Variants in TTC39C observed in about 807,000 individuals in gnomAD.
TTC39C encodes tetratricopeptide repeat domain 39C.
In TTC39C, 33 loss-of-function variants were observed where a neutral mutation model predicts 76.3. The observed-to-expected ratio is 0.43, with a 90% CI of 0.33 to 0.58. The LOEUF (loss-of-function observed/expected upper bound fraction) is 0.58. TTC39C is among the 20% of genes least tolerant of loss of function. TTC39C has a pLI of 0.04. For missense variants in TTC39C, 595 were observed against 701.4 expected, an observed-to-expected ratio of 0.85 and a Z score of 1.71; for synonymous variants, 254 against 260.6, an observed-to-expected ratio of 0.97 and a Z score of 0.24.
chr18:24,020,914 G>A (rs1290826145), intron 1 of TTC39C, among the ~76,000 whole-genome samples: 2 of 152,090 alleles, frequency 1.3e-5, no homozygotes, highest in Non-Finnish European at 2.9e-5. Context: ...TTTAAAGGGA[G>A]AGAGAAGTAA....
intron 1 of TTC39C, among the ~76,000 whole-genome samples, chr18:24,041,814 G>A (rs368989820): frequency 2.0e-5 from 3 of 152,110 alleles, no homozygotes; most frequent in African/African-American, 7.2e-5. Flanking sequence ...GTTAACATTT[G>A]TAAACATTTG....
chr18:24,062,860 A>C (rs1000439545), intron 1 of TTC39C, among the ~76,000 whole-genome samples: 1 of 152,174 alleles, frequency 6.6e-6, no homozygotes, highest in African/African-American at 2.4e-5. Flanking sequence ...TATCCCAAAA[A>C]TATATTTGGC....
intron 11 of TTC39C, 25 bp from the exon 12 acceptor site, chr18:24,130,288 C>A: frequency 7.6e-7 from 1 of 1,310,552 alleles, no homozygotes; most frequent in Non-Finnish European, 1.1e-6. Context: ...ATGAATTCAT[C>A]CAATAACATT....
intron 8 of TTC39C, among the ~76,000 whole-genome samples, chr18:24,120,617 G>A (rs2084953808): frequency 6.6e-6 from 1 of 152,142 alleles, no homozygotes; most frequent in South Asian, 2.1e-4. Context: ...CGCTCAGATT[G>A]TTTTGCAAAC....
At chr18:24,023,950 G>A (rs55780581) in intron 1 of TTC39C, among the ~76,000 whole-genome samples, 446 of 16,850 alleles carry the variant, frequency 0.026, 43 homozygotes, top group Middle Eastern at 0.12. Flanking sequence ...ATATATGCAT[G>A]TATATATATA....
At chr18:24,039,886 C>T (rs2083771016) in intron 1 of TTC39C, among the ~76,000 whole-genome samples, 1 of 152,010 alleles carries the variant, frequency 6.6e-6, no homozygotes, top group African/African-American at 2.4e-5. Flanking sequence ...TGAGGATGTT[C>T]GGGGTCACTA....
chr18:24,115,897 T>C (rs573150620), intron 7 of TTC39C, among the ~76,000 whole-genome samples: 2 of 152,384 alleles, frequency 1.3e-5, no homozygotes, highest in South Asian at 4.1e-4. Flanking sequence ...TTCAAAGAAC[T>C]TGAATGAAAA....
intron 4 of TTC39C, 76 bp downstream of exon 4, chr18:24,069,347 C>A: frequency 7.9e-7 from 1 of 1,262,958 alleles, no homozygotes. Flanking sequence ...TTAAGAATGC[C>A]TTATATTTCA....
chr18:24,131,147 T>C (rs898027143), intron 12 of TTC39C, among the ~76,000 whole-genome samples: 2 of 147,700 alleles, frequency 1.4e-5, no homozygotes, highest in African/African-American at 5.0e-5. Flanking sequence ...AGCTTGAGGT[T>C]GCAGTGAGCC....
At position 24,109,106 on chromosome 18, in the gene TTC39C, A is replaced by G. The variant is rs563772936; in HGVS notation, c.985-5448A>G. ...GTAATCCCCGTACTTTGGGAGGCCA[A>G]CACAGGAGGACTGCCTGAGGCCAGG... is the stretch of plus-strand genomic sequence containing the variant. On this transcript the variant is annotated intron_variant, in intron 6 of 13. Coordinates refer to ENST00000317571, the MANE Select transcript of TTC39C (RefSeq NM_001135993.2). Among the ~76,000 whole-genome samples, 34 of 150,094 alleles carry G rather than the reference A, an allele frequency of 2.3e-4. 1 individual carries two copies. Among genetic ancestry groups the G allele is most frequent in the South Asian group, 1.9e-3 (9 of 4,650 alleles).
rs754608300 is a variant in TTC39C, at chr18:24,125,431, A to G, written c.1301A>G (p.Glu434Gly). 11 of 1,614,164 alleles carry G rather than the reference A, an allele frequency of 6.8e-6. No homozygotes were observed. The East Asian group carries it at 2.5e-4, about 36-fold the overall frequency. Residue 434 changes from glutamate to glycine, a missense_variant, in exon 10 of 14, where the codon GAG becomes GGG. By Grantham distance (98) the Glu-to-Gly change is moderately conservative. Coordinates refer to ENST00000317571, the MANE Select transcript of TTC39C (RefSeq NM_001135993.2). ...GTTTATTCTGACTCCTTGCAGGCAG[A>G]GCGATTTCGGAAGCAAACCCCAACC... ...QIEQFSVKKA[E>G]RFRKQTPTKA...
At chr18:24,019,052 G>A (rs1336291381) in intron 1 of TTC39C, among the ~76,000 whole-genome samples, 1 of 152,130 alleles carries the variant, frequency 6.6e-6, no homozygotes, top group East Asian at 1.9e-4. Flanking sequence ...GGATCCTAAC[G>A]TCACCACCTT....
At chr18:24,053,693 T>C (rs553560011) in intron 1 of TTC39C, among the ~76,000 whole-genome samples, 1 of 152,226 alleles carries the variant, frequency 6.6e-6, no homozygotes, top group Non-Finnish European at 1.5e-5. Context: ...ACAGTAAAAA[T>C]GAGCCGATAG....
At chr18:24,055,511 T>C (rs80256922) in intron 1 of TTC39C, among the ~76,000 whole-genome samples, 6,595 of 152,328 alleles carry the variant, frequency 0.043, 373 homozygotes, top group East Asian at 0.26. Flanking sequence ...TTCATGTGCT[T>C]ATATAGCCAT....
At chr18:24,010,535 A>C (rs2083386557), upstream of TTC39C, among the ~76,000 whole-genome samples, 1 of 152,232 alleles carries the variant, frequency 6.6e-6, no homozygotes, top group South Asian at 2.1e-4. Flanking sequence ...TGAATGGGTA[A>C]AGCTAGCACA....
chr18:24,117,399 A>G (rs1320360915), intron 7 of TTC39C, among the ~76,000 whole-genome samples: 1 of 152,152 alleles, frequency 6.6e-6, no homozygotes, highest in East Asian at 1.9e-4. Flanking sequence ...TCTAGATCTT[A>G]TAAAGTTTTG....
At chr18:24,045,914 TATATATATATA>T (rs1568417392) in intron 1 of TTC39C, among the ~76,000 whole-genome samples, 14 of 31,102 alleles carry the variant, frequency 4.5e-4, no homozygotes, top group East Asian at 1.5e-3. Context: ...TATATATATA[TATATATATATA>T]TATTTTTTTT....
intron 4 of TTC39C, among the ~76,000 whole-genome samples, chr18:24,072,290 T>G (rs565355597): frequency 2.1e-4 from 32 of 149,456 alleles, no homozygotes; most frequent in Non-Finnish European, 3.7e-4. Context: ...TTTTAATGAT[T>G]CATGCTTTTT....
chr18:24,057,115 C>T (rs961674831), intron 1 of TTC39C, among the ~76,000 whole-genome samples: 1 of 142,208 alleles, frequency 7.0e-6, no homozygotes, highest in African/African-American at 2.6e-5. Context: ...CTTTATCTAT[C>T]TTCTGTTCCC....
Sources: allele counts gnomAD v4.1 joint callset (sites outside exome capture counted in the v4.1 genomes callset), GRCh38; gene constraint gnomAD v4.1.1; transcripts MANE v1.5; gene names NCBI Gene and HGNC (gene_info 2026-07-23, HGNC 2026-07-21).